Variants in CEACAM21 observed in about 807,000 individuals in gnomAD.
CEACAM21 encodes cell adhesion molecule CEACAM21.
In CEACAM21, 38 loss-of-function variants were observed where a neutral mutation model predicts 33.2. The observed-to-expected ratio is 1.14, with a 90% CI of 0.88 to 1.50. The LOEUF is 1.50. Ranked by LOEUF, CEACAM21 falls within the 40% of genes most tolerant of loss-of-function variation. The pLI, the probability that CEACAM21 is intolerant of heterozygous loss-of-function variation, is 0.00. For synonymous variants in CEACAM21, 156 were observed against 143.0 expected, an observed-to-expected ratio of 1.09 and a Z score of -0.65; for missense variants, 385 against 364.6, an observed-to-expected ratio of 1.06 and a Z score of -0.46.
intron 2 of CEACAM21, among the ~76,000 whole-genome samples, chr19:41,565,271 G>T (rs1555788044): frequency 1.3e-5 from 2 of 152,256 alleles, no homozygotes; most frequent in African/African-American, 2.4e-5. Flanking sequence ...AGGAGGCACA[G>T]TGGGGAGGAG....
chr19:41,566,520 C>A (rs575857675), intron 2 of CEACAM21, among the ~76,000 whole-genome samples: 1 of 152,074 alleles, frequency 6.6e-6, no homozygotes, highest in African/African-American at 2.4e-5. Flanking sequence ...ATAAGCCATA[C>A]GTATGATAAC....
intron 1 of CEACAM21, 120 bp downstream of exon 1, chr19:41,576,458 G>C: frequency 1.8e-6 from 2 of 1,140,080 alleles, no homozygotes; most frequent in Admixed American, 3.0e-5. Context: ...ACTCAGGGGA[G>C]AGAGCGTCTA....
chr19:41,577,753 G>T lies in CEACAM21; in HGVS notation c.424+194G>T, dbSNP rs1423654441. 2.0e-5 allele frequency among the ~76,000 whole-genome samples: 3 copies of T among 152,188 alleles called. No homozygotes were observed. In the East Asian group the frequency reaches 5.8e-4, roughly 29 times the overall value. On this transcript the variant is annotated intron_variant, in intron 2 of 6. Coordinates refer to ENST00000401445, the MANE Select transcript of CEACAM21 (RefSeq NM_001098506.4). Reference sequence around the variant, plus strand: ...AATTCCTTTCCCTTATCCGGACTCCGTGGAAATTCCCTACAGCAAGAAGGA... The same window carrying T: ...AATTCCTTTCCCTTATCCGGACTCCTTGGAAATTCCCTACAGCAAGAAGGA...
intron 1 of CEACAM21, chr19:41,551,890 C>T (rs1220396621): frequency 6.6e-6 from 1 of 152,160 alleles, no homozygotes; most frequent in Admixed American, 6.5e-5. Flanking sequence ...CAGTGAAGCT[C>T]TACCGCCAGG....
chr19:41,582,695 C>A (rs963959249), intron 3 of CEACAM21, among the ~76,000 whole-genome samples: 4 of 152,216 alleles, frequency 2.6e-5, no homozygotes, highest in Admixed American at 2.0e-4. Context: ...TACCTTGGCC[C>A]TCTTTAGCCA....
intron 1 of CEACAM21, among the ~76,000 whole-genome samples, chr19:41,563,960 T>C (rs1052015781): frequency 3.9e-5 from 6 of 152,214 alleles, no homozygotes; most frequent in African/African-American, 1.2e-4. Context: ...GCTTCACCCA[T>C]TGGCCCCTCA....
upstream of CEACAM21, chr19:41,576,118 G>A (rs542854956): frequency 6.6e-5 from 50 of 758,622 alleles, no homozygotes; most frequent in Admixed American, 3.5e-4. Flanking sequence ...GCAGAGCCCC[G>A]CCCTTGCCCA....
At chr19:41,575,915 C>T (rs149682233), upstream of CEACAM21, among the ~76,000 whole-genome samples, 372 of 152,280 alleles carry the variant, frequency 2.4e-3, 2 homozygotes, top group African/African-American at 8.6e-3. Flanking sequence ...AATAATCTAC[C>T]GGCTGTGACA....
At chr19:41,585,769 C>G in intron 5 of CEACAM21, 71 bp from the exon 6 acceptor site, 1 of 1,477,680 alleles carries the variant, frequency 6.8e-7, no homozygotes, top group Non-Finnish European at 9.4e-7. Context: ...AACTGAGGAC[C>G]CCCACACACT....
chr19:41,576,385 G>A (rs1490589869), intron 1 of CEACAM21, 47 bp downstream of exon 1: 6 of 1,584,798 alleles, frequency 3.8e-6, no homozygotes, highest in Non-Finnish European at 5.1e-6. Context: ...GGAGCACAGA[G>A]ACTGGCTGGG....
intron 5 of CEACAM21, 76 bp downstream of exon 5, chr19:41,585,571 C>A: frequency 6.8e-7 from 1 of 1,478,650 alleles, no homozygotes; most frequent in Non-Finnish European, 9.5e-7. Flanking sequence ...GCCAGTTACA[C>A]CCAGGGGCCT....
intron 1 of CEACAM21, among the ~76,000 whole-genome samples, chr19:41,558,426 T>C (rs1422634176): frequency 6.6e-6 from 1 of 152,088 alleles, no homozygotes; most frequent in Non-Finnish European, 1.5e-5. Flanking sequence ...GGCAGGTAGA[T>C]CATGAGGTCA....
intron 2 of CEACAM21, among the ~76,000 whole-genome samples, chr19:41,577,872 T>C (rs1377529860): frequency 3.3e-5 from 5 of 152,182 alleles, no homozygotes; most frequent in African/African-American, 1.2e-4. Flanking sequence ...AAAGATCTTA[T>C]AGGACTCAGT....
intron 2 of CEACAM21, among the ~76,000 whole-genome samples, chr19:41,568,569 C>T (rs934548617): frequency 2.6e-5 from 4 of 152,202 alleles, no homozygotes; most frequent in Admixed American, 6.5e-5. Context: ...GTGCATGTGG[C>T]TCCTTGGCTG....
At chr19:41,584,163 C>A (rs1022028221) in intron 3 of CEACAM21, among the ~76,000 whole-genome samples, 184 bp from the exon 4 acceptor site, 5 of 152,146 alleles carry the variant, frequency 3.3e-5, no homozygotes, top group African/African-American at 1.2e-4. Context: ...TAATTCAAGC[C>A]TAAGACACAG....
intron 3 of CEACAM21, among the ~76,000 whole-genome samples, chr19:41,581,919 T>G (rs2043421850): frequency 6.6e-6 from 1 of 152,176 alleles, no homozygotes; most frequent in Admixed American, 6.5e-5. Context: ...TCAAAACTAA[T>G]CATGCCTTCC....
At chr19:41,554,325 CAT>C (rs1354807252) in intron 1 of CEACAM21, among the ~76,000 whole-genome samples, 6 of 152,080 alleles carry the variant, frequency 3.9e-5, no homozygotes, top group East Asian at 1.9e-4. Flanking sequence ...AACAAGGTAA[CAT>C]GTGTATATGG....
chr19:41,560,122 C>T (rs1422616544), intron 1 of CEACAM21, among the ~76,000 whole-genome samples: 3 of 152,196 alleles, frequency 2.0e-5, no homozygotes, highest in African/African-American at 7.2e-5. Flanking sequence ...AGAGTTCTCC[C>T]ATTATTCAAG....
rs782300178 is a variant in CEACAM21, at chr19:41,579,383, G to A, written c.455G>A (p.Ser152Asn). Residue 152 changes from serine (S) to asparagine (N), a missense_variant, in exon 3 of 7, where the codon AGC becomes AAC. Coordinates refer to ENST00000401445, the MANE Select transcript of CEACAM21 (RefSeq NM_001098506.4). Reference protein sequence around the residue: ...ESVAQPSIQASSTTVTEKGSV... With the variant: ...ESVAQPSIQANSTTVTEKGSV... ...GTGGCTCAGCCCTCCATCCAAGCCAGCAGCACCACAGTCACAGAGAAGGGC... is the reference window on the plus strand; with the variant it reads ...GTGGCTCAGCCCTCCATCCAAGCCAACAGCACCACAGTCACAGAGAAGGGC... 57 of 1,613,824 alleles carry A rather than the reference G, an allele frequency of 3.5e-5. No homozygotes were observed. Among genetic ancestry groups the A allele is most frequent in the Non-Finnish European group, 4.5e-5 (53 of 1,179,888 alleles).
Sources: gnomAD v4.1 joint callset for allele counts (sites outside exome capture counted in the v4.1 genomes callset) on GRCh38, gnomAD v4.1.1 for gene constraint, MANE v1.5 for transcripts, NCBI Gene and HGNC (gene_info 2026-07-23, HGNC 2026-07-21) for gene names.